Variants in COP1 observed in about 807,000 individuals in gnomAD.
COP1 encodes COP1 E3 ubiquitin ligase.
In COP1, 24 loss-of-function variants were observed where a neutral mutation model predicts 101.3. The ratio of observed to expected loss-of-function variants is 0.24; its 90% CI spans 0.17 to 0.33. The LOEUF (loss-of-function observed/expected upper bound fraction) is 0.33. Among genes scored for constraint, COP1 ranks in the 10% least tolerant of loss-of-function variants. The pLI, the probability that COP1 is intolerant of heterozygous loss-of-function variation, is 1.00. For missense variants in COP1, 663 were observed against 906.2 expected (o/e 0.73, Z 3.45); for synonymous variants, 347 against 341.9 (o/e 1.01, Z -0.17).
chr1:176,181,427 C>CAA (rs35756525), intron 2 of COP1, among the ~76,000 whole-genome samples: 39,979 of 146,892 alleles, frequency 0.27, 6,192 homozygotes, highest in East Asian at 0.5. Context: ...AACAAAACTG[C>CAA]AAAAAAAAAA....
chr1:176,201,877 G>A (rs1700296490), intron 1 of COP1, among the ~76,000 whole-genome samples: 1 of 152,174 alleles, frequency 6.6e-6, no homozygotes, highest in South Asian at 2.1e-4. Flanking sequence ...GACTTTTGCA[G>A]ATTCAAATAA....
intron 1 of COP1, among the ~76,000 whole-genome samples, chr1:176,196,212 A>T: frequency 6.6e-6 from 1 of 152,214 alleles, no homozygotes; most frequent in East Asian, 1.9e-4. Flanking sequence ...GAAACCAGAA[A>T]AGAAAACATG....
At chr1:176,070,874 A>G (rs1314832287) in intron 11 of COP1, among the ~76,000 whole-genome samples, 1 of 151,892 alleles carries the variant, frequency 6.6e-6, no homozygotes, top group African/African-American at 2.4e-5. Flanking sequence ...GCTGGTTTTG[A>G]ACTCTTGGCC....
At position 176,206,671 on chromosome 1, in the gene COP1, C is replaced by T; in HGVS notation, c.308G>A (p.Ser103Asn). Residue 103 changes from serine to asparagine, a missense_variant, in exon 1 of 20, where the codon AGC becomes AAC. Around this residue, in one of 4 missense-constraint regions of COP1, gnomAD observed 204 missense variants for 203.6 expected, o/e 1.00. Coordinates refer to ENST00000367669, the MANE Select transcript of COP1 (RefSeq NM_022457.7). ...CCTGCTGCCGCTGCCTAGGCTGGAGCTGCTGCCTCCTACGCCGGCGCTGGG... is the reference window on the plus strand; with the variant it reads ...CCTGCTGCCGCTGCCTAGGCTGGAGTTGCTGCCTCCTACGCCGGCGCTGGG... ...ARPSAGVGGS[S>N]SSLGSGSRKR... 6.2e-7 allele frequency: 1 copy of T among 1,609,996 alleles called. No homozygotes were observed. The highest frequency in any genetic ancestry group is 1.3e-5 in the African/African-American group (1 of 75,056).
At chr1:176,146,246 G>T (rs1303375877) in intron 6 of COP1, among the ~76,000 whole-genome samples, 1 of 152,112 alleles carries the variant, frequency 6.6e-6, no homozygotes, top group Non-Finnish European at 1.5e-5. Flanking sequence ...ACACCCTTTT[G>T]TTTAATCTGA....
chr1:176,047,795 C>T (rs1166920428), intron 11 of COP1, among the ~76,000 whole-genome samples: 1 of 152,120 alleles, frequency 6.6e-6, no homozygotes, highest in Non-Finnish European at 1.5e-5. Context: ...ATATTTCAGG[C>T]TGGGTTCGGT....
intron 18 of COP1, among the ~76,000 whole-genome samples, chr1:175,980,495 T>A (rs1655580138): frequency 6.6e-6 from 1 of 152,174 alleles, no homozygotes; most frequent in African/African-American, 2.4e-5. Context: ...TATAACTGCA[T>A]AGAAAGTATT....
At chr1:176,128,671 G>A (rs1688425613) in intron 8 of COP1, among the ~76,000 whole-genome samples, 1 of 151,874 alleles carries the variant, frequency 6.6e-6, no homozygotes, top group South Asian at 2.1e-4. Flanking sequence ...TTCAAGGTTT[G>A]AGAAAAAGTA....
chr1:176,085,983 T>C (rs1344133329), intron 9 of COP1, 93 bp from the exon 10 acceptor site: 1 of 587,254 alleles, frequency 1.7e-6, no homozygotes, highest in East Asian at 2.6e-5. Context: ...CCCTCAGAAG[T>C]TCATCACAGT....
chr1:175,989,451 A>T lies in COP1; in HGVS notation c.1758T>A (p.Arg586=). 2.5e-6 allele frequency: 4 copies of T among 1,601,260 alleles called. No homozygotes were observed. Among genetic ancestry groups the T allele is most frequent in the Admixed American group, 1.7e-5 (1 of 60,026 alleles). The change falls in exon 16 of 20, where the codon CGT becomes CGA. Residue 586 remains arginine (R), a synonymous_variant. Transcript: ENST00000367669. ...ADHCVHYYDL[R]NTKQPIMVFK... Reference sequence around the variant, plus strand: ...ATACCATGATTGGCTGTTTAGTGTTACGAAGATCATAGTAGTGGACACAGT... The same window carrying T: ...ATACCATGATTGGCTGTTTAGTGTTTCGAAGATCATAGTAGTGGACACAGT...
At chr1:176,134,929 T>C (rs908449494) in intron 8 of COP1, 81 bp downstream of exon 8, 62 of 1,013,712 alleles carry the variant, frequency 6.1e-5, no homozygotes, top group Middle Eastern at 2.1e-4. Flanking sequence ...ATACACTGCA[T>C]GGAAAAGGCT....
intron 11 of COP1, among the ~76,000 whole-genome samples, chr1:176,069,226 A>G (rs1490108650): frequency 6.6e-6 from 1 of 152,142 alleles, no homozygotes; most frequent in African/African-American, 2.4e-5. Context: ...ATTATATGTA[A>G]TACAGTAATA....
chr1:176,005,667 T>G (rs1212865561), intron 15 of COP1, among the ~76,000 whole-genome samples: 3 of 152,164 alleles, frequency 2.0e-5, no homozygotes, highest in Non-Finnish European at 4.4e-5. Context: ...CGGTTTTGAG[T>G]GAGATTCTTA....
At chr1:176,187,415 G>A (rs1025120912) in intron 1 of COP1, among the ~76,000 whole-genome samples, 4 of 151,950 alleles carry the variant, frequency 2.6e-5, no homozygotes, top group Middle Eastern at 3.4e-3. Flanking sequence ...GTGTGTGTGT[G>A]TGTGTGTGTG....
chr1:176,027,941 C>A (rs140413911), intron 14 of COP1, among the ~76,000 whole-genome samples: 1 of 150,158 alleles, frequency 6.7e-6, no homozygotes, highest in African/African-American at 2.4e-5. Flanking sequence ...CAGTTCCACA[C>A]GGCTGAGGAG....
intron 15 of COP1, among the ~76,000 whole-genome samples, chr1:175,990,730 GT>G (rs1658212828): frequency 6.6e-6 from 1 of 151,814 alleles, no homozygotes; most frequent in South Asian, 2.1e-4. Context: ...AAATGTCTTT[GT>G]TTCTAGTACT....
At chr1:175,949,176 A>AAAAAAAAAC in intron 18 of COP1, among the ~76,000 whole-genome samples, 1 of 117,406 alleles carries the variant, frequency 8.5e-6, no homozygotes, top group Non-Finnish European at 2.0e-5. Context: ...CTCAAAAAAA[A>AAAAAAAAAC]AAAAAAAAAA....
At chr1:176,206,291 CT>C (rs1700843199) in intron 1 of COP1, 1 of 454,460 alleles carries the variant, frequency 2.2e-6, no homozygotes. Context: ...GACCTTCCAC[CT>C]CTTCCCTCGT....
rs951294128 is a variant in COP1 at position 176,004,624 on chromosome 1, C to T, written c.1730-15145G>A. Among the ~76,000 whole-genome samples the T allele has an allele frequency of 5.3e-5, 8 of 152,080 alleles. 1 individual carries two copies. Among genetic ancestry groups the T allele is most frequent in the Admixed American group, 3.9e-4 (6 of 15,272 alleles). Reference sequence around the variant, plus strand: ...ATTGAGATAATCATGTGGTTTTTGTCTTTGGCTCTGTTTATATGCTGGATT... The same window carrying T: ...ATTGAGATAATCATGTGGTTTTTGTTTTTGGCTCTGTTTATATGCTGGATT... On this transcript the variant is annotated intron_variant, in intron 15 of 19. Transcript: ENST00000367669.
Sources: gnomAD v4.1 joint callset for allele counts (sites outside exome capture counted in the v4.1 genomes callset) on GRCh38, gnomAD v4.1.1 for gene constraint, gnomAD v4.1.1 regional missense constraint, MANE v1.5 for transcripts, NCBI Gene and HGNC (gene_info 2026-07-23, HGNC 2026-07-21) for gene names.